SRGAP3: variants seen among roughly 807,000 people sequenced by gnomAD.
SRGAP3 encodes SLIT-ROBO Rho GTPase activating protein 3, also known as SLIT-ROBO Rho GTPase-activating protein 3.
In SRGAP3, 39 loss-of-function variants were observed where a neutral mutation model predicts 121.1. The observed-to-expected ratio is 0.32, with a 90% confidence interval of 0.25 to 0.42. The LOEUF (loss-of-function observed/expected upper bound fraction) is 0.42, where lower values mean the gene tolerates loss of function less well. Among genes scored for constraint, SRGAP3 ranks in the 10% least tolerant of loss-of-function variants. SRGAP3 has a pLI of 1.00. For missense variants in SRGAP3, 1,213 were observed against 1,470.6 expected (o/e 0.82, Z 2.86); for synonymous variants, 601 against 570.0 (o/e 1.05, Z -0.77).
intron 1 of SRGAP3, among the ~76,000 whole-genome samples, chr3:9,128,843 T>C (rs1464288009): frequency 2.0e-5 from 3 of 152,124 alleles, no homozygotes; most frequent in Admixed American, 6.5e-5. Flanking sequence ...CCAGAACGAA[T>C]GAGGTTGTGC....
intron 1 of SRGAP3, among the ~76,000 whole-genome samples, chr3:9,138,957 G>A (rs1327509084): frequency 6.7e-6 from 1 of 149,312 alleles, no homozygotes; most frequent in Non-Finnish European, 1.5e-5. Context: ...CAACAGTAGT[G>A]CTCATGCCTC....
intron 1 of SRGAP3, among the ~76,000 whole-genome samples, chr3:9,143,260 G>A (rs944039226): frequency 5.3e-5 from 8 of 152,270 alleles, no homozygotes; most frequent in Admixed American, 3.9e-4. Flanking sequence ...AGATCACAGG[G>A]AGATGAACTC....
At chr3:9,049,885 C>T (rs1261777412) in intron 9 of SRGAP3, among the ~76,000 whole-genome samples, 2 of 151,916 alleles carry the variant, frequency 1.3e-5, no homozygotes, top group African/African-American at 4.8e-5. Flanking sequence ...GCCATGCTCC[C>T]AAGTAGCTGG....
At chr3:9,173,517 G>A (rs1003171162) in intron 1 of SRGAP3, among the ~76,000 whole-genome samples, 1 of 152,336 alleles carries the variant, frequency 6.6e-6, no homozygotes, top group South Asian at 2.1e-4. Flanking sequence ...GAATGAACTA[G>A]AATAAGAGCA....
intron 1 of SRGAP3, among the ~76,000 whole-genome samples, chr3:9,334,335 C>T (rs11131166): frequency 0.028 from 4,319 of 152,056 alleles, 198 homozygotes; most frequent in African/African-American, 0.097. Context: ...AACAGGAAAT[C>T]CATGATTCCT....
rs1325541440 is a variant in SRGAP3, at chr3:9,020,715, C to G, written c.1678+4546G>C. On this transcript the variant is annotated intron_variant, in intron 14 of 21. Coordinates refer to ENST00000383836, the MANE Select transcript of SRGAP3 (RefSeq NM_014850.4). ...TCAATTAGCCCAGGCCTTTGGCTCT[C>G]TGCAAGCTAGTCAGTTTTGGCTCTG... Among the ~76,000 whole-genome samples the G allele has an allele frequency of 7.2e-5, 11 of 152,344 alleles. 1 individual carries two copies. Among genetic ancestry groups the G allele is most frequent in the Middle Eastern group, 3.4e-3 (1 of 294 alleles).
chr3:9,261,865 C>G (rs1954261810), intron 3 of SRGAP3, among the ~76,000 whole-genome samples: 2 of 130,472 alleles, frequency 1.5e-5, no homozygotes, highest in Admixed American at 8.6e-5. Flanking sequence ...CAAAGATACT[C>G]CTCATATATT....
chr3:9,362,473 C>G (rs1387826703), intron 1 of SRGAP3, among the ~76,000 whole-genome samples: 1 of 150,596 alleles, frequency 6.6e-6, no homozygotes. Flanking sequence ...CAGGTTCAAC[C>G]CTTTATGAGA....
At chr3:9,331,114 T>C (rs1299549461) in intron 1 of SRGAP3, among the ~76,000 whole-genome samples, 1 of 152,246 alleles carries the variant, frequency 6.6e-6, no homozygotes, top group Non-Finnish European at 1.5e-5. Flanking sequence ...TTTCTCTTTT[T>C]GCTTTTCCAT....
intron 12 of SRGAP3, among the ~76,000 whole-genome samples, chr3:9,032,177 G>A (rs1944517712): frequency 6.6e-6 from 1 of 152,046 alleles, no homozygotes; most frequent in African/African-American, 2.4e-5. Context: ...TGTTTCCTTT[G>A]CTGGTATATA....
At position 8,985,792 on chromosome 3, in the gene SRGAP3, G is replaced by A. The variant is rs1941666889; in HGVS notation, c.3027C>T (p.Pro1009=). 3 of 1,600,284 alleles carry A rather than the reference G, an allele frequency of 1.9e-6. No homozygotes were observed. The highest frequency in any genetic ancestry group is 2.2e-5 in the South Asian group (2 of 91,060). Residue 1009 remains proline, a synonymous_variant, in exon 22 of 22, where the codon CCC becomes CCT. Transcript: ENST00000383836. The surrounding 1 kb of genome is among the most constrained non-coding windows in gnomAD (Gnocchi z 5.1). ...KNPPGPVSSE[P]ASPLHTIVIR... is the part of the protein sequence containing the mutation. Reference sequence around the variant, plus strand: ...TGACGATGGTGTGAAGGGGACTGGCGGGCTCCGAGCTGACGGGGCCTGGCG... The same window carrying A: ...TGACGATGGTGTGAAGGGGACTGGCAGGCTCCGAGCTGACGGGGCCTGGCG...
At chr3:9,269,050 GC>G (rs1954425008) in intron 3 of SRGAP3, among the ~76,000 whole-genome samples, 1 of 152,178 alleles carries the variant, frequency 6.6e-6, no homozygotes, top group Non-Finnish European at 1.5e-5. Context: ...CTCAGTGTTG[GC>G]CGGAACACGC....
At chr3:8,993,686 A>T (rs1942209351) in intron 19 of SRGAP3, among the ~76,000 whole-genome samples, 1 of 151,004 alleles carries the variant, frequency 6.6e-6, no homozygotes, top group African/African-American at 2.4e-5. Context: ...TCTGGCTGAG[A>T]CCCCCTCTCT....
intron 4 of SRGAP3, among the ~76,000 whole-genome samples, chr3:9,073,235 C>G (rs2125241564): frequency 6.6e-6 from 1 of 152,302 alleles, no homozygotes; most frequent in Non-Finnish European, 1.5e-5. Context: ...TCTTCACCTC[C>G]CAAGCTCAGG....
In SRGAP3 at chr3:9,062,607, T is replaced by C. The variant is rs1946227555; in HGVS notation, c.672+1789A>G. 2.0e-5 allele frequency among the ~76,000 whole-genome samples: 3 copies of C among 152,230 alleles called. No homozygotes were observed. The South Asian group carries it at 6.2e-4, about 31-fold the overall frequency. On this transcript the variant is annotated intron_variant, in intron 5 of 21. Coordinates refer to ENST00000383836, the MANE Select transcript of SRGAP3 (RefSeq NM_014850.4). ...AGATTTGTCTATGCTGGACATTTCATAAATGTAGTTGCACAATATGTGGTC... is the reference window on the plus strand; with the variant it reads ...AGATTTGTCTATGCTGGACATTTCACAAATGTAGTTGCACAATATGTGGTC...
intron 1 of SRGAP3, among the ~76,000 whole-genome samples, chr3:9,344,256 A>T (rs1265094611): frequency 6.6e-6 from 1 of 152,152 alleles, no homozygotes; most frequent in East Asian, 1.9e-4. Context: ...GAAGTTGGAG[A>T]TCAGCCTGGC....
At chr3:9,064,784 A>C (rs1167816327) in intron 4 of SRGAP3, among the ~76,000 whole-genome samples, 1 of 152,052 alleles carries the variant, frequency 6.6e-6, no homozygotes, top group Non-Finnish European at 1.5e-5. Context: ...TACCATCACC[A>C]TCATCATCAA....
intron 4 of SRGAP3, among the ~76,000 whole-genome samples, chr3:9,067,703 T>C (rs1297489318): frequency 6.6e-6 from 1 of 152,226 alleles, no homozygotes; most frequent in Non-Finnish European, 1.5e-5. Flanking sequence ...TGGGGCTTAA[T>C]GCCTAGGTGA....
chr3:8,996,121 G>A (rs1942386255), intron 18 of SRGAP3, among the ~76,000 whole-genome samples: 2 of 152,214 alleles, frequency 1.3e-5, no homozygotes, highest in African/African-American at 4.8e-5. Context: ...CTGTTAAATG[G>A]AAATGGTAAT....
Sources: gnomAD v4.1 joint callset for allele counts (sites outside exome capture counted in the v4.1 genomes callset) on GRCh38, gnomAD v4.1.1 for gene constraint, Gnocchi (gnomAD v3.1) non-coding constraint, MANE v1.5 for transcripts, NCBI Gene and HGNC (gene_info 2026-07-23, HGNC 2026-07-21) for gene names.